Variants in BNC2 observed in about 807,000 individuals in gnomAD.
The protein encoded by BNC2 is basonuclin zinc finger protein 2.
In BNC2, 20 loss-of-function variants were observed where a neutral mutation model predicts 76.3. The ratio of observed to expected loss-of-function variants is 0.26; its 90% confidence interval spans 0.18 to 0.38. The LOEUF (loss-of-function observed/expected upper bound fraction) is 0.38, where lower values mean the gene tolerates loss of function less well. Among genes scored for constraint, BNC2 ranks in the 10% least tolerant of loss-of-function variants. The pLI is 1.00. For missense variants in BNC2, 1,382 were observed against 1,399.8 expected, an observed-to-expected ratio of 0.99 and a Z score of 0.20; for synonymous variants, 582 against 514.8, an observed-to-expected ratio of 1.13 and a Z score of -1.77.
chr9:16,794,049 G>T (rs999758126), intron 1 of BNC2, among the ~76,000 whole-genome samples: 28 of 151,844 alleles, frequency 1.8e-4, no homozygotes, highest in African/African-American at 6.8e-4. Flanking sequence ...GATATACATT[G>T]GATTGTGTGA....
Position 16,411,891 on chromosome 9 carries a change from G to A in BNC2, c.*7098C>T, listed in dbSNP as rs569743931. The A allele has an allele frequency of 6.6e-6, 1 of 152,198 alleles. No individual in the cohort carries two copies. 9.4% of individuals were successfully genotyped at this position (152,198 alleles called of 1,614,324 possible). A position where few individuals can be genotyped will look rare whatever the true frequency, so the allele number is the denominator to read the frequency against. On this transcript the variant is annotated 3_prime_UTR_variant, in exon 7 of 7. Coordinates refer to ENST00000380672, the MANE Select transcript of BNC2 (RefSeq NM_017637.6). ...TCTGAGATGCGCTGCGGGAAGGTTG[G>A]AAGGAAGCATGGCATCCCCTAGTCC...
Position 16,435,911 on chromosome 9 carries a change from C to G in BNC2, c.2283G>C (p.Glu761Asp), listed in dbSNP as rs572117506. 3.7e-6 allele frequency: 6 copies of G among 1,614,028 alleles called. No individual in the cohort carries two copies. The African/African-American group carries it at 8.0e-5, about 22-fold the overall frequency. ...CCTGGTGAGAGGGCTCACTGTGGTT[C>G]TCATCAGGCCTCTCACTATTCATCA... ...KVLMNSERPD[E>D]NHSEPSHQDV... The change falls in exon 6 of 7, where the codon GAG becomes GAC. Residue 761 changes from glutamate to aspartate, a missense_variant. This residue lies in a region of BNC2 where 798 missense variants were observed against 775.5 expected (regional missense o/e 1.03). Coordinates refer to ENST00000380672, the MANE Select transcript of BNC2 (RefSeq NM_017637.6).
At chr9:16,494,922 A>G (rs1252670655) in intron 5 of BNC2, among the ~76,000 whole-genome samples, 1 of 152,216 alleles carries the variant, frequency 6.6e-6, no homozygotes, top group Non-Finnish European at 1.5e-5. Flanking sequence ...TGGCACATGT[A>G]TACCTATGTA....
chr9:16,840,304 A>G (rs2136084935), intron 1 of BNC2, among the ~76,000 whole-genome samples: 1 of 152,272 alleles, frequency 6.6e-6, no homozygotes, highest in Admixed American at 6.5e-5. Flanking sequence ...GCAGCCACAT[A>G]CGCTCCTCTC....
intron 1 of BNC2, among the ~76,000 whole-genome samples, chr9:16,801,897 G>C (rs1275385364): frequency 1.3e-5 from 2 of 152,014 alleles, no homozygotes; most frequent in African/African-American, 4.8e-5. Context: ...GCTCAAGTCT[G>C]AAGTTATCAT....
intron 4 of BNC2, 65 bp downstream of exon 4, chr9:16,582,918 C>CACAT: frequency 8.5e-7 from 1 of 1,175,154 alleles, no homozygotes; most frequent in Non-Finnish European, 1.3e-6. Context: ...CACACACACA[C>CACAT]ACACACACAC....
intron 5 of BNC2, among the ~76,000 whole-genome samples, chr9:16,446,535 C>G (rs2130991998): frequency 6.6e-6 from 1 of 152,160 alleles, no homozygotes; most frequent in South Asian, 2.1e-4. Flanking sequence ...AATGTATTCA[C>G]AAGTTGAACA....
intron 1 of BNC2, chr9:16,867,391 A>C (rs1819569053): frequency 6.6e-6 from 1 of 152,086 alleles, no homozygotes; most frequent in African/African-American, 2.4e-5. Flanking sequence ...TGGGGATCGT[A>C]GGTTGTTTAG....
rs1554729003 is a variant in BNC2 at position 16,779,130 on chromosome 9, A to AAAG, written c.4-40646_4-40645insCTT. On this transcript the variant is annotated intron_variant, in intron 1 of 6. Transcript: ENST00000380672. ...CAAAAATTGTAAAAAAAAAAAAAAA[A>AAAG]AAAAGAAAAGAAAAGAAAAAAAAAC... Among the ~76,000 whole-genome samples the AAAG allele has an allele frequency of 7.3e-4, 64 of 87,634 alleles. 1 individual carries two copies. Among genetic ancestry groups the AAAG allele is most frequent in the Admixed American group, 6.3e-3 (42 of 6,686 alleles). 57.5% of individuals were successfully genotyped at this position (87,634 alleles called of 152,430 possible). A position where few individuals can be genotyped will look rare whatever the true frequency, so the allele number is the denominator to read the frequency against.
chr9:16,503,653 G>A (rs975308431), intron 5 of BNC2, among the ~76,000 whole-genome samples: 1 of 152,142 alleles, frequency 6.6e-6, no homozygotes, highest in African/African-American at 2.4e-5. Context: ...TAATCTGGAA[G>A]AGTGGACCTA....
intron 5 of BNC2, among the ~76,000 whole-genome samples, chr9:16,510,837 G>A (rs1267882345): frequency 1.3e-5 from 2 of 152,182 alleles, no homozygotes; most frequent in African/African-American, 2.4e-5. Flanking sequence ...ATTTAACTGA[G>A]CTAGCTGGCT....
chr9:16,416,871 G>A lies in BNC2; in HGVS notation c.*2118C>T, dbSNP rs1477525756. On this transcript the variant is annotated 3_prime_UTR_variant, in exon 7 of 7. Coordinates refer to ENST00000380672, the MANE Select transcript of BNC2 (RefSeq NM_017637.6). Reference sequence around the variant, plus strand: ...ACTGTGAGGTACAATAAATCCTACAGGAATAATAACAACAGAAACATATTA... The same window carrying A: ...ACTGTGAGGTACAATAAATCCTACAAGAATAATAACAACAGAAACATATTA... 6.6e-6 allele frequency: 1 copy of A among 152,346 alleles called. No homozygotes were observed. Among genetic ancestry groups the A allele is most frequent in the Non-Finnish European group, 1.5e-5 (1 of 67,998 alleles). The allele number at this position is 152,346 out of a possible 1,614,324, so 9.4% of individuals were successfully genotyped here.
chr9:16,420,802 T>A (rs1485261309), intron 6 of BNC2, among the ~76,000 whole-genome samples: 1 of 152,154 alleles, frequency 6.6e-6, no homozygotes, highest in Non-Finnish European at 1.5e-5. Context: ...GGAAACATTG[T>A]CTTTGTATTT....
At chr9:16,820,160 T>C (rs966818423) in intron 1 of BNC2, among the ~76,000 whole-genome samples, 1 of 139,840 alleles carries the variant, frequency 7.2e-6, no homozygotes, top group Non-Finnish European at 1.5e-5. Context: ...GCGTGGTCGC[T>C]CACATCTGTA....
chr9:16,780,257 C>CA (rs1212395782), intron 1 of BNC2, among the ~76,000 whole-genome samples: 2,897 of 78,610 alleles, frequency 0.037, 140 homozygotes, highest in African/African-American at 0.13. Context: ...AAAAAAAAAA[C>CA]AAAAAAAAAC....
intron 5 of BNC2, among the ~76,000 whole-genome samples, chr9:16,544,382 G>T (rs1818409316): frequency 6.6e-6 from 1 of 152,008 alleles, no homozygotes. Flanking sequence ...TATGCGATAA[G>T]GTGCAATCCT....
At chr9:16,441,252 C>G (rs1253146849) in intron 5 of BNC2, among the ~76,000 whole-genome samples, 2 of 152,162 alleles carry the variant, frequency 1.3e-5, no homozygotes, top group African/African-American at 4.8e-5. Flanking sequence ...TGCAGTGAGC[C>G]ATGATAGTGC....
chr9:16,661,691 T>G (rs974070368), intron 3 of BNC2, among the ~76,000 whole-genome samples: 6 of 152,072 alleles, frequency 3.9e-5, no homozygotes, highest in Admixed American at 3.9e-4. Flanking sequence ...ACTACATGTG[T>G]TGTGTGTGTG....
chr9:16,477,573 C>T (rs1178481996), intron 5 of BNC2, among the ~76,000 whole-genome samples: 1 of 152,118 alleles, frequency 6.6e-6, no homozygotes, highest in Non-Finnish European at 1.5e-5. Context: ...GCTATTTCTT[C>T]TTGCTGAAAA....
Sources: allele counts gnomAD v4.1 joint callset (sites outside exome capture counted in the v4.1 genomes callset), GRCh38; gene constraint gnomAD v4.1.1; regional missense constraint gnomAD v4.1.1; transcripts MANE v1.5; gene names NCBI Gene and HGNC (gene_info 2026-07-23, HGNC 2026-07-21).